Variants in ZNF724 observed in about 807,000 individuals in gnomAD.
ZNF724 encodes the protein zinc finger protein 724 pseudogene.
In ZNF724, 14 loss-of-function variants were observed where a neutral mutation model predicts 29.3. The ratio of observed to expected loss-of-function variants is 0.48; its 90% CI spans 0.32 to 0.75. The LOEUF (loss-of-function observed/expected upper bound fraction) is 0.75, where lower values mean the gene tolerates loss of function less well. Among genes scored for constraint, ZNF724 ranks in the 30% least tolerant of loss-of-function variants. The pLI, the probability that ZNF724 is intolerant of heterozygous loss-of-function variation, is 0.04. For missense variants in ZNF724, 557 were observed against 571.2 expected, an observed-to-expected ratio of 0.98 and a Z score of 0.25; for synonymous variants, 180 against 193.6, an observed-to-expected ratio of 0.93 and a Z score of 0.58.
chr19:23,231,255 C>T lies in ZNF724; in HGVS notation c.226+11G>A. ...TCATCTGTGTCATCTGTCATATTCACTCTCACCTACCTGGGGGTTTGGCCA... is the reference window on the plus strand; with the variant it reads ...TCATCTGTGTCATCTGTCATATTCATTCTCACCTACCTGGGGGTTTGGCCA... On this transcript the variant is annotated intron_variant, in intron 3 of 3. Transcript: ENST00000418100. 1 of 1,322,244 alleles carries T rather than the reference C, an allele frequency of 7.6e-7. No individual in the cohort carries two copies. The allele number at this position is 1,322,244 out of a possible 1,614,324, so 81.9% of individuals were successfully genotyped here.
chr19:23,239,912 T>C (rs988730060), intron 1 of ZNF724, among the ~76,000 whole-genome samples: 14 of 147,448 alleles, frequency 9.5e-5, no homozygotes, highest in African/African-American at 3.5e-4. Context: ...TGAAAAGTCA[T>C]AGAAAATATC....
intron 3 of ZNF724, among the ~76,000 whole-genome samples, chr19:23,226,107 A>C (rs915760906): frequency 3.6e-5 from 5 of 137,798 alleles, no homozygotes; most frequent in African/African-American, 5.5e-5. Context: ...GCTGGAGTGC[A>C]GTGGCTGAAT....
intron 1 of ZNF724, among the ~76,000 whole-genome samples, chr19:23,246,465 G>A (rs1226033921): frequency 6.6e-6 from 1 of 151,944 alleles, no homozygotes; most frequent in Admixed American, 6.6e-5. Context: ...GAACAGCCTG[G>A]CCAACCTGGT....
At chr19:23,245,345 G>A (rs567899668) in intron 1 of ZNF724, among the ~76,000 whole-genome samples, 2 of 152,332 alleles carry the variant, frequency 1.3e-5, no homozygotes, top group East Asian at 1.9e-4. Flanking sequence ...CAGGTGCGGT[G>A]GCTCACGCCT....
At position 23,222,377 on chromosome 19, in the gene ZNF724, C is replaced by T; in HGVS notation, c.*8G>A. The T allele has an allele frequency of 4.8e-6, 5 of 1,044,282 alleles. No homozygotes were observed. Among genetic ancestry groups the T allele is most frequent in the Non-Finnish European group, 7.3e-6 (5 of 686,580 alleles). 64.7% of individuals were successfully genotyped at this position (1,044,282 alleles called of 1,614,324 possible). On this transcript the variant is annotated 3_prime_UTR_variant, in exon 4 of 4. Coordinates refer to ENST00000418100, the MANE Select transcript of ZNF724 (RefSeq NM_001355404.2). ...CAGGTGTGAGCCACCACGCCTGGTC[C>T]ATTTTTCTTATTTGTCAGATTTTTC...
rs1161739256 is a variant in ZNF724, at chr19:23,222,466, T to C, written c.1779A>G (p.Lys593=). 2.3e-6 allele frequency: 3 copies of C among 1,300,372 alleles called. No individual in the cohort carries two copies. The highest frequency in any genetic ancestry group is 3.4e-6 in the Non-Finnish European group (3 of 895,462). The allele number at this position is 1,300,372 out of a possible 1,614,324, so 80.6% of individuals were successfully genotyped here. Residue 593 remains lysine (K), a synonymous_variant, in exon 4 of 4, where the codon AAA becomes AAG. Coordinates refer to ENST00000418100, the MANE Select transcript of ZNF724 (RefSeq NM_001355404.2). ...ATTGGTTAAAAGCTTTGCCACATTCTTTACATTTGTAGGGTTTCTCTCCAG... is the reference window on the plus strand; with the variant it reads ...ATTGGTTAAAAGCTTTGCCACATTCCTTACATTTGTAGGGTTTCTCTCCAG... The part of the protein sequence containing the change: ...IHTGEKPYKC[K]ECGKAFNQCS...
Position 23,223,239 on chromosome 19 carries a change from T to TA in ZNF724, c.1005dup (p.Lys336Ter). Reference sequence around the variant, plus strand: ...CCACATTCTTCACATTTATAAGGTTTATCACCAGTATGAATTCTCTTATGT... The same window carrying TA: ...CCACATTCTTCACATTTATAAGGTTTAATCACCAGTATGAATTCTCTTATGT... On this transcript the variant is annotated frameshift_variant, in exon 4 of 4. Transcript: ENST00000418100. LOFTEE classifies it high-confidence loss of function. 1.1e-6 allele frequency: 1 copy of TA among 915,942 alleles called. No homozygotes were observed. Among genetic ancestry groups the TA allele is most frequent in the Non-Finnish European group, 1.8e-6 (1 of 547,604 alleles). The allele number at this position is 915,942 out of a possible 1,614,324, so 56.7% of individuals were successfully genotyped here.
At chr19:23,227,279 G>C (rs12609400) in intron 3 of ZNF724, among the ~76,000 whole-genome samples, 1 of 151,852 alleles carries the variant, frequency 6.6e-6, no homozygotes, top group Non-Finnish European at 1.5e-5. Context: ...AGCAGGCCAG[G>C]CGTGGTGGCT....
intron 1 of ZNF724, among the ~76,000 whole-genome samples, chr19:23,249,257 T>TTTA: frequency 6.6e-6 from 1 of 150,800 alleles, no homozygotes; most frequent in South Asian, 2.1e-4. Context: ...TTTTTTTTTT[T>TTTA]CTAGACAGAG....
chr19:23,226,257 T>C (rs1400308709), intron 3 of ZNF724, among the ~76,000 whole-genome samples: 1 of 152,112 alleles, frequency 6.6e-6, no homozygotes, highest in African/African-American at 2.4e-5. Flanking sequence ...TTCACTGTGT[T>C]AGCCACAATG....
At chr19:23,243,273 C>A (rs10418587) in intron 1 of ZNF724, among the ~76,000 whole-genome samples, 2 of 150,482 alleles carry the variant, frequency 1.3e-5, no homozygotes, top group African/African-American at 4.9e-5. Context: ...AGGTCAGGAG[C>A]TCCAGACCAG....
chr19:23,226,242 A>G (rs1418130669), intron 3 of ZNF724, among the ~76,000 whole-genome samples: 1 of 151,940 alleles, frequency 6.6e-6, no homozygotes, highest in Non-Finnish European at 1.5e-5. Flanking sequence ...TAGTAGAGAC[A>G]AGGTTTCACT....
At chr19:23,243,474 T>G (rs1252258046) in intron 1 of ZNF724, among the ~76,000 whole-genome samples, 1 of 5,270 alleles carries the variant, frequency 1.9e-4, no homozygotes, top group African/African-American at 1.3e-3. Flanking sequence ...AGAGTCCATC[T>G]CAAAAAAAAA....
intron 1 of ZNF724, among the ~76,000 whole-genome samples, chr19:23,243,039 CA>C (rs762188669): frequency 0.014 from 1,576 of 112,194 alleles, 26 homozygotes; most frequent in African/African-American, 0.052. Flanking sequence ...AACTCCATCT[CA>C]AAAAAAAAAA....
In ZNF724 at chr19:23,223,211, T is replaced by C. The variant is rs1166338311; in HGVS notation, c.1034A>G (p.Lys345Arg). The C allele has an allele frequency of 3.8e-6, 4 of 1,049,012 alleles. No homozygotes were observed. Among genetic ancestry groups the C allele is most frequent in the Non-Finnish European group, 4.5e-6 (3 of 666,558 alleles). 65.0% of individuals were successfully genotyped at this position (1,049,012 alleles called of 1,614,324 possible). Residue 345 changes from lysine (K) to arginine (R), a missense_variant, in exon 4 of 4, where the codon AAA (lysine) becomes AGA (arginine). Coordinates refer to ENST00000418100, the MANE Select transcript of ZNF724 (RefSeq NM_001355404.2). ...DKPYKCEECGKAFNVSSTLTQ... is the reference protein window; with the variant it reads ...DKPYKCEECGRAFNVSSTLTQ... ...AAGGGTTGAGGACACATTAAAGGCTTTGCCACATTCTTCACATTTATAAGG... is the reference window on the plus strand; with the variant it reads ...AAGGGTTGAGGACACATTAAAGGCTCTGCCACATTCTTCACATTTATAAGG...
intron 1 of ZNF724, among the ~76,000 whole-genome samples, chr19:23,245,812 T>A (rs1281196326): frequency 1.8e-4 from 28 of 152,148 alleles, no homozygotes; most frequent in Admixed American, 1.3e-4. Flanking sequence ...CTTAATTTTT[T>A]AAATATAAAT....
chr19:23,231,827 G>A (rs1971938296), intron 2 of ZNF724, among the ~76,000 whole-genome samples: 1 of 151,764 alleles, frequency 6.6e-6, no homozygotes, highest in Non-Finnish European at 1.5e-5. Flanking sequence ...TCCATCTCCC[G>A]GGTTCAAGTG....
intron 3 of ZNF724, 27 bp downstream of exon 3, chr19:23,231,239 T>A: frequency 7.9e-7 from 1 of 1,266,020 alleles, no homozygotes; most frequent in Non-Finnish European, 1.1e-6. Context: ...CTCATCTGTG[T>A]CATCTGTCAT....
At chr19:23,234,314 A>G (rs1436185173) in intron 1 of ZNF724, among the ~76,000 whole-genome samples, 1 of 152,244 alleles carries the variant, frequency 6.6e-6, no homozygotes, top group African/African-American at 2.4e-5. Context: ...AAGTAAAGGG[A>G]TTTCTAATAA....
Sources: allele counts gnomAD v4.1 joint callset (sites outside exome capture counted in the v4.1 genomes callset), GRCh38; gene constraint gnomAD v4.1.1; transcripts MANE v1.5; gene names NCBI Gene and HGNC (gene_info 2026-07-23, HGNC 2026-07-21).